The following DUSP29 variants were observed in gnomAD, a reference collection of about 807,000 sequenced individuals.
DUSP29 encodes the protein dual specificity phosphatase 29.
In DUSP29, 12 loss-of-function variants were observed where a neutral mutation model predicts 13.5. That is an observed-to-expected ratio of 0.89 (90% CI 0.57 to 1.44). The LOEUF is 1.44. Ranked by LOEUF, DUSP29 falls within the 40% of genes most tolerant of loss-of-function variation. The pLI is 0.00. For synonymous variants in DUSP29, 134 were observed against 128.7 expected (o/e 1.04, Z -0.28); for missense variants, 308 against 301.1 (o/e 1.02, Z -0.17).
intron 1 of DUSP29, among the ~76,000 whole-genome samples, chr10:75,071,055 C>A (rs1272640747): frequency 1.3e-5 from 2 of 152,174 alleles, no homozygotes; most frequent in Non-Finnish European, 2.9e-5. Flanking sequence ...GAGTGAGATG[C>A]CACCAGGCCT....
chr10:75,052,567 A>G (rs952500631), intron 2 of DUSP29, among the ~76,000 whole-genome samples: 8 of 152,140 alleles, frequency 5.3e-5, no homozygotes, highest in Non-Finnish European at 5.9e-5. Context: ...TCGGCCTCCC[A>G]AAGTGCTGGG....
chr10:75,043,953 G>C lies in DUSP29; in HGVS notation c.265C>G (p.His89Asp). ...AGFTHVLNAA[H>D]GRWNVDTGPD... ...CCAGTGTCCACGTTCCAGCGGCCGT[G>C]GGCCGCGTTCAGCACGTGCGTGAAC... Residue 89 changes from histidine to aspartate, a missense_variant, in exon 3 of 4, where the codon CAC becomes GAC. Coordinates refer to ENST00000338487, the MANE Select transcript of DUSP29 (RefSeq NM_001003892.3). 6.2e-7 allele frequency: 1 copy of C among 1,613,520 alleles called. No homozygotes were observed. Among genetic ancestry groups the C allele is most frequent in the Non-Finnish European group, 8.5e-7 (1 of 1,179,930 alleles).
chr10:75,045,957 G>T (rs56042827), intron 2 of DUSP29, among the ~76,000 whole-genome samples: 3 of 151,784 alleles, frequency 2.0e-5, no homozygotes, highest in East Asian at 1.9e-4. Context: ...CAAGATATAA[G>T]GGAAAAAAAT....
In DUSP29 at chr10:75,065,648, C is replaced by T. The variant is rs1399510041; in HGVS notation, c.-34-7100G>A. ...CCAGCCATCTTAATATTTTGAAGAG[C>T]CACATACAGGCTTCTTGCTTAACAG... On this transcript the variant is annotated intron_variant, in intron 1 of 3. Transcript: ENST00000338487. 3.9e-5 allele frequency among the ~76,000 whole-genome samples: 6 copies of T among 152,100 alleles called. No individual in the cohort carries two copies. In the East Asian group the frequency reaches 1.2e-3, roughly 29 times the overall value.
intron 1 of DUSP29, among the ~76,000 whole-genome samples, chr10:75,063,763 A>C (rs1847138135): frequency 6.6e-6 from 1 of 152,158 alleles, no homozygotes; most frequent in African/African-American, 2.4e-5. Context: ...TTTTAAAGGA[A>C]ACTAAACCAA....
chr10:75,052,704 G>C (rs1359567617), intron 2 of DUSP29, among the ~76,000 whole-genome samples: 1 of 152,120 alleles, frequency 6.6e-6, no homozygotes, highest in African/African-American at 2.4e-5. Flanking sequence ...CACCTGCCTC[G>C]GCCTCCCAAA....
At chr10:75,054,958 G>GC (rs557010583) in intron 2 of DUSP29, among the ~76,000 whole-genome samples, 167 of 151,978 alleles carry the variant, frequency 1.1e-3, no homozygotes, top group Middle Eastern at 3.4e-3. Flanking sequence ...GCCCACCTCA[G>GC]CCCCCCAAGT....
chr10:75,055,045 T>C (rs993386958), intron 2 of DUSP29, among the ~76,000 whole-genome samples: 1 of 152,110 alleles, frequency 6.6e-6, no homozygotes, highest in African/African-American at 2.4e-5. Flanking sequence ...TCTTGCTATA[T>C]TGCTCAGGCT....
At chr10:75,052,508 C>T (rs1054726890) in intron 2 of DUSP29, among the ~76,000 whole-genome samples, 7 of 152,052 alleles carry the variant, frequency 4.6e-5, no homozygotes, top group Non-Finnish European at 8.8e-5. Context: ...AGCATTTCAC[C>T]GTGTTAGCCA....
At chr10:75,049,464 C>T (rs184788603) in intron 2 of DUSP29, among the ~76,000 whole-genome samples, 1 of 152,342 alleles carries the variant, frequency 6.6e-6, no homozygotes, top group Admixed American at 6.5e-5. Context: ...ACTGCTAAGC[C>T]GTGTTCTGGC....
chr10:75,062,701 CAG>C (rs1057067718), intron 1 of DUSP29, among the ~76,000 whole-genome samples: 1 of 152,184 alleles, frequency 6.6e-6, no homozygotes, highest in Non-Finnish European at 1.5e-5. Flanking sequence ...CTCTAATTCT[CAG>C]AGAGGCCAGG....
At chr10:75,054,583 A>G (rs1041369531) in intron 2 of DUSP29, among the ~76,000 whole-genome samples, 1 of 152,350 alleles carries the variant, frequency 6.6e-6, no homozygotes, top group Non-Finnish European at 1.5e-5. Flanking sequence ...AGGAGGAAAT[A>G]TACCACAATA....
At chr10:75,044,950 C>A (rs1351124345) in intron 2 of DUSP29, among the ~76,000 whole-genome samples, 1 of 152,198 alleles carries the variant, frequency 6.6e-6, no homozygotes, top group Non-Finnish European at 1.5e-5. Flanking sequence ...AGGCTGGAGA[C>A]AACGAAGGCC....
At chr10:75,041,200 C>T (rs1032391773) in intron 3 of DUSP29, among the ~76,000 whole-genome samples, 11 of 152,186 alleles carry the variant, frequency 7.2e-5, no homozygotes, top group African/African-American at 2.4e-4. Flanking sequence ...GAGCACCTGC[C>T]GTCCACTGGG....
intron 3 of DUSP29, among the ~76,000 whole-genome samples, chr10:75,038,690 A>G: frequency 7.5e-6 from 1 of 133,968 alleles, no homozygotes. Flanking sequence ...AGGGGAGGGG[A>G]GAAAGAGTTG....
chr10:75,061,831 G>A (rs1847095168), intron 1 of DUSP29, among the ~76,000 whole-genome samples: 2 of 152,174 alleles, frequency 1.3e-5, no homozygotes, highest in Non-Finnish European at 2.9e-5. Flanking sequence ...GGATGAGGAA[G>A]TGGCTTAGTG....
At chr10:75,052,267 T>C (rs1396615055) in intron 2 of DUSP29, among the ~76,000 whole-genome samples, 1 of 152,082 alleles carries the variant, frequency 6.6e-6, no homozygotes, top group Non-Finnish European at 1.5e-5. Flanking sequence ...TCCAGATTTC[T>C]TTTTTGTTAA....
At chr10:75,043,660 C>T in intron 3 of DUSP29, 137 bp downstream of exon 3, 1 of 873,986 alleles carries the variant, frequency 1.1e-6, no homozygotes, top group East Asian at 2.7e-5. Context: ...GACGGGGAAA[C>T]CTTGGGCTAA....
intron 1 of DUSP29, among the ~76,000 whole-genome samples, chr10:75,072,186 T>C (rs2134311826): frequency 6.6e-6 from 1 of 152,282 alleles, no homozygotes; most frequent in East Asian, 1.9e-4. Flanking sequence ...CCTCTGTCCT[T>C]GTGATAAGGA....
Sources: allele counts gnomAD v4.1 joint callset (sites outside exome capture counted in the v4.1 genomes callset), GRCh38; gene constraint gnomAD v4.1.1; transcripts MANE v1.5; gene names NCBI Gene and HGNC (gene_info 2026-07-23, HGNC 2026-07-21).